The following NCOA2 variants were observed in gnomAD, a reference collection of about 807,000 sequenced individuals.
NCOA2 encodes class E basic helix-loop-helix protein 75.
NCOA2 carries 21 observed loss-of-function variants against 145.1 expected under a neutral mutation model. The observed-to-expected ratio is 0.14, with a 90% confidence interval of 0.10 to 0.21. NCOA2 has a LOEUF of 0.21. Among genes scored for constraint, NCOA2 ranks in the 10% least tolerant of loss-of-function variants. The pLI is 1.00. For missense variants in NCOA2, 1,472 were observed against 1,837.6 expected (o/e 0.80, Z 3.64); for synonymous variants, 619 against 637.5 (o/e 0.97, Z 0.44).
chr8:70,265,264 G>A (rs1243875332), intron 2 of NCOA2, among the ~76,000 whole-genome samples: 3 of 152,148 alleles, frequency 2.0e-5, no homozygotes, highest in Non-Finnish European at 4.4e-5. Flanking sequence ...CCTGCCATGT[G>A]AGGATGCAGC....
chr8:70,150,691 TATC>T (rs763018654), intron 11 of NCOA2, among the ~76,000 whole-genome samples: 2 of 152,254 alleles, frequency 1.3e-5, no homozygotes, highest in Non-Finnish European at 2.9e-5. Flanking sequence ...TAATCTTCTT[TATC>T]ATGTTTTGCT....
intron 1 of NCOA2, among the ~76,000 whole-genome samples, chr8:70,377,189 GAATGA>G (rs1410563573): frequency 4.0e-5 from 6 of 151,552 alleles, no homozygotes; most frequent in Non-Finnish European, 8.8e-5. Flanking sequence ...TGAAAAAAAT[GAATGA>G]AATATCTCTA....
At chr8:70,252,876 A>C (rs139660925) in intron 2 of NCOA2, among the ~76,000 whole-genome samples, 8 of 152,354 alleles carry the variant, frequency 5.3e-5, no homozygotes, top group Middle Eastern at 3.4e-3. Flanking sequence ...CAACAGGCAC[A>C]ATAGACACTT....
In NCOA2 at chr8:70,166,697, C is replaced by A. The variant is rs1174674903; in HGVS notation, c.599G>T (p.Cys200Phe). ...AGGTAAAGGTTTTACCAGCATCCGA[C>A]AATTGAAGGTATGGCTGTTCCGCCT... is the stretch of plus-strand genomic sequence containing the variant. ...PPRRNSHTFNCRMLVKPLPDS... is the reference protein window; with the variant it reads ...PPRRNSHTFNFRMLVKPLPDS... Residue 200 changes from cysteine (C) to phenylalanine (F), a missense_variant, in exon 7 of 23, where the codon TGT becomes TTT. Physicochemically the swap from Cys to Phe is radical, Grantham distance 205 (BLOSUM62 -2). Coordinates refer to ENST00000452400, the MANE Select transcript of NCOA2 (RefSeq NM_006540.4). 6.2e-7 allele frequency: 1 copy of A among 1,614,008 alleles called. No homozygotes were observed. Among genetic ancestry groups the A allele is most frequent in the Non-Finnish European group, 8.5e-7 (1 of 1,179,888 alleles).
At chr8:70,325,368 A>G (rs1806461051) in intron 1 of NCOA2, among the ~76,000 whole-genome samples, 1 of 152,222 alleles carries the variant, frequency 6.6e-6, no homozygotes, top group South Asian at 2.1e-4. Flanking sequence ...CAATCTAATT[A>G]ACAAAGGGCA....
rs914560924 is a variant in NCOA2 at position 70,119,872 on chromosome 8, A to C, written c.4383+1430T>G. Among the ~76,000 whole-genome samples, 43 of 144,016 alleles carry C rather than the reference A, an allele frequency of 3.0e-4. 1 individual carries two copies. The highest frequency in any genetic ancestry group is 2.2e-3 in the Admixed American group (32 of 14,612). The allele number at this position is 144,016 out of a possible 152,430, so 94.5% of individuals were successfully genotyped here. Reference sequence around the variant, plus strand: ...GAGAAATTATTCATGTCCTTTGTCCACTTTTTTTTTTTTTTGAGATGGAGT... The same window carrying C: ...GAGAAATTATTCATGTCCTTTGTCCCCTTTTTTTTTTTTTTGAGATGGAGT... On this transcript the variant is annotated intron_variant, in intron 22 of 22. Coordinates refer to ENST00000452400, the MANE Select transcript of NCOA2 (RefSeq NM_006540.4).
At chr8:70,420,241 A>G in the NCOA2 span, among the ~76,000 whole-genome samples, 1 of 152,224 alleles carries the variant, frequency 6.6e-6, no homozygotes, top group Admixed American at 6.5e-5. Context: ...TTCTTTCACA[A>G]AGGCCAAGTC....
At chr8:70,330,337 A>G (rs567410542) in intron 1 of NCOA2, among the ~76,000 whole-genome samples, 3 of 152,248 alleles carry the variant, frequency 2.0e-5, no homozygotes, top group South Asian at 2.1e-4. Flanking sequence ...TGGAAGGCCA[A>G]CGCAGAGGGA....
At chr8:70,442,792 G>C in the NCOA2 span, among the ~76,000 whole-genome samples, 1 of 152,136 alleles carries the variant, frequency 6.6e-6, no homozygotes, top group East Asian at 1.9e-4. Flanking sequence ...GCTTCTGCTG[G>C]AGGATGATTC....
At chr8:70,203,675 T>G (rs1818154636) in intron 4 of NCOA2, among the ~76,000 whole-genome samples, 1 of 152,202 alleles carries the variant, frequency 6.6e-6, no homozygotes, top group Non-Finnish European at 1.5e-5. Context: ...ATTTGTGCTC[T>G]TATATCTTTT....
intron 1 of NCOA2, among the ~76,000 whole-genome samples, chr8:70,312,091 C>G (rs1211016572): frequency 1.3e-5 from 2 of 152,062 alleles, no homozygotes; most frequent in African/African-American, 4.8e-5. Context: ...GTCACTTAGC[C>G]AAGAAAAACC....
intron 7 of NCOA2, among the ~76,000 whole-genome samples, chr8:70,165,778 C>G (rs549385151): frequency 1.3e-5 from 2 of 152,182 alleles, no homozygotes; most frequent in East Asian, 1.9e-4. Flanking sequence ...TTCCATTAAC[C>G]CCTTGAAAGT....
chr8:70,399,812 A>G (rs553696464), intron 1 of NCOA2, among the ~76,000 whole-genome samples: 10 of 152,368 alleles, frequency 6.6e-5, no homozygotes, highest in Admixed American at 2.6e-4. Flanking sequence ...AATATCCTAA[A>G]GAGTGCTTAA....
intron 4 of NCOA2, among the ~76,000 whole-genome samples, chr8:70,188,941 A>T (rs1421577182): frequency 7.3e-5 from 11 of 151,686 alleles, no homozygotes; most frequent in African/African-American, 2.7e-4. Context: ...TCAGTTATCA[A>T]TGATAAAACT....
intron 1 of NCOA2, among the ~76,000 whole-genome samples, chr8:70,357,169 CTCT>C (rs1300138046): frequency 6.6e-6 from 1 of 152,122 alleles, no homozygotes; most frequent in African/African-American, 2.4e-5. Context: ...AAATGCCCTC[CTCT>C]ACCAGGGTGC....
At position 70,156,040 on chromosome 8, in the gene NCOA2, A is replaced by T. The variant is rs2064555682; in HGVS notation, c.2325T>A (p.Pro775=). The change falls in exon 11 of 23, where the codon CCT becomes CCA. Residue 775 remains proline (P), a synonymous_variant. Coordinates refer to ENST00000452400, the MANE Select transcript of NCOA2 (RefSeq NM_006540.4). ...KLERLDSKTD[P]ASNTKLIAMK... ...TTGCTATTAATTTTGTGTTACTGGC[A>T]GGATCTGTCTTACTGTCCAGTCTCT... 1.9e-6 allele frequency: 3 copies of T among 1,609,558 alleles called. No individual in the cohort carries two copies. The highest frequency in any genetic ancestry group is 2.5e-6 in the Non-Finnish European group (3 of 1,178,684).
At chr8:70,141,501 A>G in intron 13 of NCOA2, 102 bp from the exon 14 acceptor site, 1 of 1,097,350 alleles carries the variant, frequency 9.1e-7, no homozygotes, top group Non-Finnish European at 1.3e-6. Flanking sequence ...TCATTCTGTA[A>G]TTCACACTTA....
At position 70,367,114 on chromosome 8, in the gene NCOA2, C is replaced by A. The variant is rs1055119313; in HGVS notation, c.-77+36586G>T. Among the ~76,000 whole-genome samples, 3 of 152,292 alleles carry A rather than the reference C, an allele frequency of 2.0e-5. No individual in the cohort carries two copies. In the South Asian group the frequency reaches 6.2e-4, roughly 32 times the overall value. On this transcript the variant is annotated intron_variant, in intron 1 of 22. Transcript: ENST00000452400. ...TACATACAACCTTCAAAACACCCTA[C>A]CAGGCCTTGGGGGAGGAAAAATTAT...
At chr8:70,420,611 G>T in the NCOA2 span, among the ~76,000 whole-genome samples, 1 of 152,126 alleles carries the variant, frequency 6.6e-6, no homozygotes, top group Non-Finnish European at 1.5e-5. Flanking sequence ...AGGAGGCTGG[G>T]GGTGGCTGGA....
Sources: gnomAD v4.1 joint callset for allele counts (sites outside exome capture counted in the v4.1 genomes callset) on GRCh38, gnomAD v4.1.1 for gene constraint, MANE v1.5 for transcripts, NCBI Gene and HGNC (gene_info 2026-07-23, HGNC 2026-07-21) for gene names.